The following DAB1 variants were observed in gnomAD, a reference collection of about 807,000 sequenced individuals.
The protein encoded by DAB1 is DAB adaptor protein 1.
Under a neutral mutation model 64.6 loss-of-function variants are expected in DAB1, and 15 were observed. That is an observed-to-expected ratio of 0.23 (90% CI 0.16 to 0.36). The LOEUF is 0.36. DAB1 is among the 10% of genes least tolerant of loss of function. The pLI is 1.00. For missense variants in DAB1, 596 were observed against 706.7 expected (o/e 0.84, Z 1.78); for synonymous variants, 235 against 251.9 (o/e 0.93, Z 0.64).
chr1:57,263,211 G>A (rs1301431811), intron 2 of DAB1, among the ~76,000 whole-genome samples: 1 of 152,002 alleles, frequency 6.6e-6, no homozygotes, highest in African/African-American at 2.4e-5. Flanking sequence ...TGCCTCCTGG[G>A]TTCAAGCGAT....
At chr1:57,366,749 G>A (rs1006947156) in intron 1 of DAB1, among the ~76,000 whole-genome samples, 3 of 152,074 alleles carry the variant, frequency 2.0e-5, no homozygotes, top group Admixed American at 6.6e-5. Flanking sequence ...ATGAAACTGA[G>A]GCTCAAAATG....
intron 4 of DAB1, among the ~76,000 whole-genome samples, chr1:58,158,645 C>A (rs888329917): frequency 3.3e-5 from 5 of 152,198 alleles, no homozygotes; most frequent in Non-Finnish European, 5.9e-5. Context: ...GAAACCCCCA[C>A]AAGCTGAGAA....
intron 4 of DAB1, among the ~76,000 whole-genome samples, chr1:57,132,022 A>G (rs533404224): frequency 7.5e-4 from 114 of 152,186 alleles, no homozygotes; most frequent in Non-Finnish European, 1.1e-3. Context: ...TCTCTTTCAT[A>G]TATCTGTGCC....
At chr1:57,056,333 T>TAAA (rs903018252) in intron 9 of DAB1, among the ~76,000 whole-genome samples, 12 of 117,286 alleles carry the variant, frequency 1.0e-4, no homozygotes, top group African/African-American at 3.6e-4. Flanking sequence ...TCCTCATCTT[T>TAAA]AAAAAAAAAA....
At position 57,452,166 on chromosome 1, in the gene DAB1, C is replaced by CCTTTT. The variant is rs367685387; in HGVS notation, n.626-161001_626-161000insAAAAG. ...GATTTAGTCTCTCTCTGCACCCCCC[C>CCTTTT]TTTTTTTTTTTTTTTTTTTTTGACA... On this transcript the variant is annotated intron_variant and non_coding_transcript_variant, in intron 7 of 20. Coordinates refer to the DAB1 transcript ENST00000485760. 2.1e-3 allele frequency among the ~76,000 whole-genome samples: 158 copies of CCTTTT among 75,018 alleles called. 6 individuals are homozygous for CCTTTT. Among genetic ancestry groups the CCTTTT allele is most frequent in the East Asian group, 5.9e-3 (11 of 1,856 alleles). 49.2% of individuals were successfully genotyped at this position (75,018 alleles called of 152,430 possible). A position where few individuals can be genotyped will look rare whatever the true frequency, so the allele number is the denominator to read the frequency against.
intron 5 of DAB1, among the ~76,000 whole-genome samples, chr1:58,122,191 T>A (rs1652787290): frequency 6.6e-6 from 1 of 152,192 alleles, no homozygotes; most frequent in South Asian, 2.1e-4. Flanking sequence ...GAGAATATCT[T>A]AGTATCTTAA....
intron 2 of DAB1, among the ~76,000 whole-genome samples, chr1:57,258,483 G>A (rs1394778983): frequency 6.6e-6 from 1 of 151,958 alleles, no homozygotes; most frequent in Non-Finnish European, 1.5e-5. Flanking sequence ...GAGTCACCAG[G>A]GCCACTCTGT....
At chr1:58,322,754 G>T (rs1248462839) in intron 4 of DAB1, among the ~76,000 whole-genome samples, 2 of 152,118 alleles carry the variant, frequency 1.3e-5, no homozygotes, top group African/African-American at 4.8e-5. Context: ...ATACCCAAAG[G>T]ATTATAAATC....
chr1:57,358,330 C>G (rs1181985188), intron 1 of DAB1, among the ~76,000 whole-genome samples: 1 of 151,826 alleles, frequency 6.6e-6, no homozygotes, highest in Non-Finnish European at 1.5e-5. Context: ...TCTTCCATAC[C>G]TAATTTGTTG....
chr1:57,995,437 T>C (rs571805243), intron 5 of DAB1, among the ~76,000 whole-genome samples: 2 of 152,248 alleles, frequency 1.3e-5, no homozygotes, highest in East Asian at 1.9e-4. Flanking sequence ...TTTTATGAGA[T>C]TTTTAATCAA....
intron 9 of DAB1, among the ~76,000 whole-genome samples, chr1:57,032,945 A>T (rs993744722): frequency 5.3e-5 from 8 of 152,110 alleles, no homozygotes; most frequent in Admixed American, 4.6e-4. Flanking sequence ...CTGAATTCCT[A>T]CTATATCATG....
chr1:58,258,990 A>T (rs1024670844), intron 4 of DAB1, among the ~76,000 whole-genome samples: 2 of 152,202 alleles, frequency 1.3e-5, no homozygotes, highest in Non-Finnish European at 2.9e-5. Flanking sequence ...CAAATTGCTT[A>T]ACTTTCCTGA....
chr1:57,916,850 G>A (rs535768956), intron 5 of DAB1, among the ~76,000 whole-genome samples: 2 of 152,192 alleles, frequency 1.3e-5, no homozygotes, highest in South Asian at 4.2e-4. Context: ...GACTGAGGTG[G>A]GAGAACTGCT....
In DAB1 at chr1:57,305,887, T is replaced by A. The variant is rs182052218; in HGVS notation, c.-136-14721A>T. Reference sequence around the variant, plus strand: ...AGGAGGCTGAGGCAGGAGAATGGCATGAACCTGGGAGGCAGAGCTTGCAGT... The same window carrying A: ...AGGAGGCTGAGGCAGGAGAATGGCAAGAACCTGGGAGGCAGAGCTTGCAGT... On this transcript the variant is annotated intron_variant, in intron 1 of 14. Transcript: ENST00000371236. Among the ~76,000 whole-genome samples the A allele has an allele frequency of 9.3e-4, 134 of 144,778 alleles. 1 individual carries two copies. In the East Asian group the frequency reaches 0.026, roughly 28 times the overall value. 95.0% of individuals were successfully genotyped at this position (144,778 alleles called of 152,430 possible).
chr1:58,182,645 T>C (rs1477230024), intron 4 of DAB1, among the ~76,000 whole-genome samples: 5 of 151,982 alleles, frequency 3.3e-5, no homozygotes, highest in Non-Finnish European at 5.9e-5. Context: ...GTTCTTTTTT[T>C]TGGTAATTTA....
At chr1:57,107,193 G>A (rs1333551160) in intron 4 of DAB1, among the ~76,000 whole-genome samples, 1 of 151,988 alleles carries the variant, frequency 6.6e-6, no homozygotes, top group East Asian at 1.9e-4. Flanking sequence ...TGACCAACAT[G>A]GTGAAACCCC....
At chr1:57,318,968 C>T (rs1273803772) in intron 1 of DAB1, among the ~76,000 whole-genome samples, 1 of 152,132 alleles carries the variant, frequency 6.6e-6, no homozygotes, top group Non-Finnish European at 1.5e-5. Flanking sequence ...CCATGTCCAC[C>T]TGTTTTGCTT....
At chr1:58,288,041 A>AAAG (rs1661732689) in intron 4 of DAB1, among the ~76,000 whole-genome samples, 1 of 145,832 alleles carries the variant, frequency 6.9e-6, no homozygotes, top group Admixed American at 7.1e-5. Flanking sequence ...AAAAAAAAAA[A>AAAG]AAAAGAAAAA....
chr1:57,798,876 G>T (rs1486054695), intron 6 of DAB1, among the ~76,000 whole-genome samples: 1 of 152,154 alleles, frequency 6.6e-6, no homozygotes, highest in African/African-American at 2.4e-5. Flanking sequence ...TTGGGGGAAG[G>T]TATTACATAT....
Sources: gnomAD v4.1 joint callset for allele counts (sites outside exome capture counted in the v4.1 genomes callset) on GRCh38, gnomAD v4.1.1 for gene constraint, MANE v1.5 for transcripts, NCBI Gene and HGNC (gene_info 2026-07-23, HGNC 2026-07-21) for gene names.